SLC7A2: variants seen among roughly 807,000 people sequenced by gnomAD.
SLC7A2 encodes the protein solute carrier family 7 member 2.
A neutral mutation model predicts 58.9 loss-of-function variants in SLC7A2; 48 were observed. That is an observed-to-expected ratio of 0.82 (90% CI 0.65 to 1.04). The LOEUF is 1.04. Among genes scored for constraint, SLC7A2 ranks in the 50% least tolerant of loss-of-function variants. SLC7A2 has a pLI of 0.00. For missense variants in SLC7A2, 1,029 were observed against 818.8 expected (o/e 1.26, Z -3.13); for synonymous variants, 363 against 314.5 (o/e 1.15, Z -1.63).
At chr8:17,504,685 T>G (rs1383870224) in intron 2 of SLC7A2, among the ~76,000 whole-genome samples, 1 of 152,198 alleles carries the variant, frequency 6.6e-6, no homozygotes, top group Non-Finnish European at 1.5e-5. Flanking sequence ...AAGTTAAAGG[T>G]CATACTCTTT....
chr8:17,530,174 C>G (rs1397235614), intron 2 of SLC7A2, among the ~76,000 whole-genome samples: 1 of 152,000 alleles, frequency 6.6e-6, no homozygotes, highest in Non-Finnish European at 1.5e-5. Context: ...TTTCTACGTT[C>G]CCCCCTGCCC....
intron 2 of SLC7A2, among the ~76,000 whole-genome samples, chr8:17,506,946 ATTTTTT>A (rs34439439): frequency 7.1e-6 from 1 of 140,050 alleles, no homozygotes; most frequent in African/African-American, 2.7e-5. Flanking sequence ...TATTTGTGGA[ATTTTTT>A]TTTTTTTTTT....
intron 1 of SLC7A2, among the ~76,000 whole-genome samples, chr8:17,500,984 G>A (rs76558006): frequency 0.39 from 59,146 of 150,894 alleles, 12,067 homozygotes; most frequent in East Asian, 0.63. Flanking sequence ...CAAGCAGTAT[G>A]CTGTTGCTTT....
At chr8:17,507,329 A>G (rs895272609) in intron 2 of SLC7A2, among the ~76,000 whole-genome samples, 1 of 152,050 alleles carries the variant, frequency 6.6e-6, no homozygotes, top group African/African-American at 2.4e-5. Flanking sequence ...TTATTATATA[A>G]TTTTAAAAAG....
At chr8:17,555,876 CA>C (rs1230568019) in intron 8 of SLC7A2, among the ~76,000 whole-genome samples, 11 of 152,042 alleles carry the variant, frequency 7.2e-5, no homozygotes, top group Admixed American at 7.2e-4. Context: ...TTACAGGAAG[CA>C]AAAGAAAGAC....
At chr8:17,514,264 A>T (rs910278717) in intron 2 of SLC7A2, among the ~76,000 whole-genome samples, 1 of 147,436 alleles carries the variant, frequency 6.8e-6, no homozygotes, top group Non-Finnish European at 1.5e-5. Context: ...GGAATCAATT[A>T]AAAAAAAAAT....
chr8:17,506,900 T>C (rs1177748410), intron 2 of SLC7A2, among the ~76,000 whole-genome samples: 2 of 152,056 alleles, frequency 1.3e-5, no homozygotes, highest in Non-Finnish European at 2.9e-5. Context: ...ATTCTGTTTT[T>C]GTGAAAACAA....
intron 8 of SLC7A2, chr8:17,555,002 G>C (rs771294966): frequency 2.5e-6 from 4 of 1,613,976 alleles, no homozygotes; most frequent in Non-Finnish European, 3.4e-6. Flanking sequence ...GCCCGGGATG[G>C]CTTACTGTTT....
intron 2 of SLC7A2, among the ~76,000 whole-genome samples, chr8:17,538,625 A>T (rs1170138098): frequency 4.6e-5 from 7 of 152,240 alleles, no homozygotes. Flanking sequence ...AAATTATTTA[A>T]CCCACGTTAT....
At chr8:17,558,469 C>T in intron 9 of SLC7A2, 72 bp downstream of exon 9, 2 of 920,688 alleles carry the variant, frequency 2.2e-6, no homozygotes, top group South Asian at 1.6e-5. Flanking sequence ...TGAGCCCTCA[C>T]TCTCCTGGCT....
Position 17,550,305 on chromosome 8 carries a change from C to T in SLC7A2, c.703C>T (p.Pro235Ser). Reference sequence around the variant, plus strand: ...TGTGTTTGTTCTCTTTCTTAGAGAGCCACCTTCTGAAAACGGAACAAGTAT... The same window carrying T: ...TGTGTTTGTTCTCTTTCTTAGAGAGTCACCTTCTGAAAACGGAACAAGTAT... ...LKNISASARE[P>S]PSENGTSIYG... Residue 235 changes from proline to serine, a missense_variant, in exon 6 of 13, where the codon CCA becomes TCA. Transcript: ENST00000494857. The T allele has an allele frequency of 6.2e-7, 1 of 1,613,308 alleles. No homozygotes were observed.
intron 2 of SLC7A2, among the ~76,000 whole-genome samples, chr8:17,521,174 C>A (rs894158845): frequency 6.6e-6 from 1 of 152,052 alleles, no homozygotes; most frequent in Non-Finnish European, 1.5e-5. Context: ...AAAAAGAATA[C>A]ATTTAAAATA....
At chr8:17,507,023 C>T (rs1389645367) in intron 2 of SLC7A2, among the ~76,000 whole-genome samples, 6 of 150,860 alleles carry the variant, frequency 4.0e-5, no homozygotes, top group Non-Finnish European at 8.8e-5. Flanking sequence ...TGGCTCACTG[C>T]AACCTCCACC....
chr8:17,550,214 C>G (rs1405050656), intron 5 of SLC7A2, 87 bp from the exon 6 acceptor site: 2 of 1,258,814 alleles, frequency 1.6e-6, no homozygotes, highest in African/African-American at 3.0e-5. Context: ...AACACAACCA[C>G]CTTCCAAGGA....
chr8:17,516,754 A>C (rs908769110), intron 2 of SLC7A2, among the ~76,000 whole-genome samples: 7 of 152,196 alleles, frequency 4.6e-5, no homozygotes, highest in African/African-American at 1.4e-4. Flanking sequence ...TCTTCACTGA[A>C]CTTAACTGGT....
intron 2 of SLC7A2, among the ~76,000 whole-genome samples, chr8:17,519,252 T>C (rs976741315): frequency 1.3e-5 from 2 of 152,176 alleles, no homozygotes; most frequent in Non-Finnish European, 2.9e-5. Context: ...TCAGTTAGGT[T>C]TATATATGTA....
chr8:17,496,534 C>G (rs934130362), upstream of SLC7A2, among the ~76,000 whole-genome samples: 2 of 152,120 alleles, frequency 1.3e-5, no homozygotes, highest in Admixed American at 6.5e-5. Context: ...AATGTCATTT[C>G]CTATAAACCC....
At chr8:17,519,663 T>C (rs966503682) in intron 2 of SLC7A2, among the ~76,000 whole-genome samples, 2 of 152,212 alleles carry the variant, frequency 1.3e-5, no homozygotes, top group Admixed American at 6.5e-5. Context: ...CTTCAAACCC[T>C]TCACACTTTT....
At chr8:17,560,584 G>A (rs373877845) in intron 10 of SLC7A2, 51 bp downstream of exon 10, 26 of 1,448,760 alleles carry the variant, frequency 1.8e-5, no homozygotes, top group South Asian at 2.3e-5. Context: ...ATGTGTGTGA[G>A]TAGAGCTGGC....
Sources: gnomAD v4.1 joint callset for allele counts (sites outside exome capture counted in the v4.1 genomes callset) on GRCh38, gnomAD v4.1.1 for gene constraint, MANE v1.5 for transcripts, NCBI Gene and HGNC (gene_info 2026-07-23, HGNC 2026-07-21) for gene names.